HMOX2: variants seen among roughly 807,000 people sequenced by gnomAD.
The protein encoded by HMOX2 is heme oxygenase (decycling) 2.
Under a neutral mutation model 33.7 loss-of-function variants are expected in HMOX2, and 30 were observed. That is an observed-to-expected ratio of 0.89 (90% CI 0.67 to 1.21). The LOEUF (loss-of-function observed/expected upper bound fraction) is 1.21, where lower values mean the gene tolerates loss of function less well. Among genes scored for constraint, HMOX2 ranks in the 50% most tolerant of loss-of-function variants. The pLI is 0.00. For missense variants in HMOX2, 403 were observed against 399.1 expected (o/e 1.01, Z -0.08); for synonymous variants, 155 against 155.0 (o/e 1.00, Z 0.00).
chr16:4,487,751 G>C (rs2058207316), intron 1 of HMOX2, among the ~76,000 whole-genome samples: 1 of 150,228 alleles, frequency 6.7e-6, no homozygotes, highest in Non-Finnish European at 1.5e-5. Context: ...AGTGAGCTGA[G>C]AACACCAGCC....
At chr16:4,496,774 G>C (rs1483741342) in intron 1 of HMOX2, 1 of 152,172 alleles carries the variant, frequency 6.6e-6, no homozygotes, top group East Asian at 1.9e-4. Context: ...AGGTCTGTCA[G>C]ACTTATAGTC....
chr16:4,485,251 C>T (rs966206742), intron 1 of HMOX2, among the ~76,000 whole-genome samples: 1 of 152,142 alleles, frequency 6.6e-6, no homozygotes, highest in Non-Finnish European at 1.5e-5. Context: ...CAGGGGTGAG[C>T]CACCATGTCA....
rs2058733463 is a variant in HMOX2, at chr16:4,507,839, A to C, written c.331A>C (p.Lys111Gln). 1 of 1,614,224 alleles carries C rather than the reference A, an allele frequency of 6.2e-7. No homozygotes were observed. ...GCTGCACCGGAAGGAGGCGCTGACC[A>C]AGGACATGGAGTATTTCTTTGGTGA... The part of the protein sequence containing the change: ...MELHRKEALT[K>Q]DMEYFFGENW... The change falls in exon 4 of 6, where the codon AAG (lysine) becomes CAG (glutamine). Residue 111 changes from lysine (K) to glutamine (Q), a missense_variant. By Grantham distance (53) the Lys-to-Gln change is moderately conservative. Coordinates refer to ENST00000570646, the MANE Select transcript of HMOX2 (RefSeq NM_002134.4).
At chr16:4,506,813 G>A in intron 2 of HMOX2, 82 bp from the exon 3 acceptor site, 1 of 990,020 alleles carries the variant, frequency 1.0e-6, no homozygotes, top group African/African-American at 1.6e-5. Flanking sequence ...CTTGGGGTGT[G>A]GACTCAATCT....
chr16:4,485,856 C>T (rs1436409998), intron 1 of HMOX2, among the ~76,000 whole-genome samples: 1 of 152,156 alleles, frequency 6.6e-6, no homozygotes, highest in Non-Finnish European at 1.5e-5. Context: ...TCCCAGGTAG[C>T]TGGGATTAAG....
At chr16:4,498,770 G>GTA (rs1208136569) in intron 1 of HMOX2, among the ~76,000 whole-genome samples, 24 of 152,238 alleles carry the variant, frequency 1.6e-4, no homozygotes, top group African/African-American at 4.8e-4. Flanking sequence ...AAGGGCTTAT[G>GTA]TATAACATTT....
At chr16:4,481,969 T>G (rs1004391731) in intron 1 of HMOX2, 3 of 152,182 alleles carry the variant, frequency 2.0e-5, no homozygotes, top group Admixed American at 2.0e-4. Flanking sequence ...AAAAGCAAAC[T>G]TGGTGAAGTG....
At chr16:4,499,617 G>C (rs11076835) in intron 1 of HMOX2, among the ~76,000 whole-genome samples, 2 of 151,980 alleles carry the variant, frequency 1.3e-5, no homozygotes, top group African/African-American at 4.8e-5. Context: ...TAGTTAATAT[G>C]GTTAATATTA....
At position 4,509,277 on chromosome 16, in the gene HMOX2, C is replaced by G. The variant is rs962278949; in HGVS notation, c.697-135C>G. 1.1e-5 allele frequency: 12 copies of G among 1,118,838 alleles called. No homozygotes were observed. The East Asian group carries it at 2.8e-4, about 26-fold the overall frequency. 69.3% of individuals were successfully genotyped at this position (1,118,838 alleles called of 1,614,324 possible). On this transcript the variant is annotated intron_variant, in intron 4 of 5. Transcript: ENST00000570646. Reference sequence around the variant, plus strand: ...ACCACTTGAGCCTAGGAGTTTGAGGCTGCAGTGAGTTAGCCATGTTCATAA... The same window carrying G: ...ACCACTTGAGCCTAGGAGTTTGAGGGTGCAGTGAGTTAGCCATGTTCATAA...
intron 1 of HMOX2, among the ~76,000 whole-genome samples, chr16:4,482,562 C>T (rs1390664266): frequency 6.6e-6 from 1 of 152,186 alleles, no homozygotes; most frequent in Non-Finnish European, 1.5e-5. Flanking sequence ...ACTGTCCCAA[C>T]TTGAGGCACT....
At chr16:4,477,575 C>G (rs1355917264) in intron 1 of HMOX2, among the ~76,000 whole-genome samples, 1 of 149,812 alleles carries the variant, frequency 6.7e-6, no homozygotes, top group Non-Finnish European at 1.5e-5. Context: ...TCCTTACGTA[C>G]TGTGTTTTGT....
In HMOX2 at chr16:4,507,937, G is replaced by A; in HGVS notation, c.429G>A (p.Gln143=). ...TGGAGCGGATCCACTACATAGGGCA[G>A]AACGAGCCGGAGCTACTGGTGGCCC... The part of the protein sequence containing the change: ...KYVERIHYIG[Q]NEPELLVAHA... The change falls in exon 4 of 6, where the codon CAG becomes CAA. Residue 143 remains glutamine (Q), a synonymous_variant. Transcript: ENST00000570646. 2 of 1,614,036 alleles carry A rather than the reference G, an allele frequency of 1.2e-6. No individual in the cohort carries two copies. The highest frequency in any genetic ancestry group is 1.7e-6 in the Non-Finnish European group (2 of 1,179,980).
At chr16:4,507,606 A>T in intron 3 of HMOX2, 107 bp from the exon 4 acceptor site, 1 of 1,160,684 alleles carries the variant, frequency 8.6e-7, no homozygotes, top group Non-Finnish European at 1.2e-6. Flanking sequence ...AAAATGGACC[A>T]TAGGATTGGG....
intron 1 of HMOX2, among the ~76,000 whole-genome samples, chr16:4,486,886 T>A (rs1401909647): frequency 6.6e-6 from 1 of 152,174 alleles, no homozygotes; most frequent in Non-Finnish European, 1.5e-5. Flanking sequence ...TGGCCCCCTT[T>A]CTCTTTCCCT....
At chr16:4,488,047 C>T (rs369329668) in intron 1 of HMOX2, among the ~76,000 whole-genome samples, 2 of 148,090 alleles carry the variant, frequency 1.4e-5, no homozygotes, top group East Asian at 2.0e-4. Context: ...CACTTGAACC[C>T]GGGAGGCAGA....
intron 1 of HMOX2, among the ~76,000 whole-genome samples, chr16:4,498,567 G>C (rs1342193049): frequency 6.6e-6 from 1 of 152,000 alleles, no homozygotes; most frequent in Non-Finnish European, 1.5e-5. Flanking sequence ...TAGAGACAAG[G>C]TCTGACTGTG....
chr16:4,505,668 G>A, intron 2 of HMOX2, 58 bp downstream of exon 2: 1 of 1,241,340 alleles, frequency 8.1e-7, no homozygotes. Flanking sequence ...GTCGTGCTCA[G>A]CACACCTGGT....
At chr16:4,493,701 G>GCA (rs2058353725) in intron 1 of HMOX2, among the ~76,000 whole-genome samples, 1 of 152,116 alleles carries the variant, frequency 6.6e-6, no homozygotes, top group South Asian at 2.1e-4. Flanking sequence ...TATGGCTCAG[G>GCA]CTCTAGAGAT....
At position 4,505,615 on chromosome 16, in the gene HMOX2, G is replaced by C. The variant is rs1308225082; in HGVS notation, c.86+5G>C. On this transcript the variant is annotated splice_donor_5th_base_variant and intron_variant, in intron 2 of 5. Coordinates refer to ENST00000570646, the MANE Select transcript of HMOX2 (RefSeq NM_002134.4). ...AGAAAAGGAGAACCAAATGAGGTGAGCGATGGGGGCTGGCTGCACTGAATC... is the reference window on the plus strand; with the variant it reads ...AGAAAAGGAGAACCAAATGAGGTGACCGATGGGGGCTGGCTGCACTGAATC... 6.3e-7 allele frequency: 1 copy of C among 1,578,740 alleles called. No homozygotes were observed.
Sources: gnomAD v4.1 joint callset for allele counts (sites outside exome capture counted in the v4.1 genomes callset) on GRCh38, gnomAD v4.1.1 for gene constraint, MANE v1.5 for transcripts, NCBI Gene and HGNC (gene_info 2026-07-23, HGNC 2026-07-21) for gene names.